ADGRV1: variants seen among roughly 807,000 people sequenced by gnomAD.
The protein encoded by ADGRV1 is G-protein coupled receptor 98.
Under a neutral mutation model 596.2 loss-of-function variants are expected in ADGRV1, and 359 were observed. The ratio of observed to expected loss-of-function variants is 0.60; its 90% confidence interval spans 0.55 to 0.66. The LOEUF (loss-of-function observed/expected upper bound fraction) is 0.66. ADGRV1 is among the 30% of genes least tolerant of loss of function. The probability of loss-of-function intolerance (pLI) is 0.00; values close to 1 mark genes in which losing one functional copy is unlikely to be tolerated. For missense variants in ADGRV1, 7,274 were observed against 7,575.6 expected, an observed-to-expected ratio of 0.96 and a Z score of 1.48; for synonymous variants, 2,681 against 2,679.2, an observed-to-expected ratio of 1.00 and a Z score of -0.02.
At chr5:90,907,581 C>A (rs559086008) in intron 83 of ADGRV1, among the ~76,000 whole-genome samples, 1 of 152,040 alleles carries the variant, frequency 6.6e-6, no homozygotes, top group South Asian at 2.1e-4. Flanking sequence ...ATTCCGCAAT[C>A]CAAATTTTGC....
rs758632997 is a variant in ADGRV1 at position 90,855,906 on chromosome 5, G to A, written c.17755+5G>A. On this transcript the variant is annotated splice_donor_5th_base_variant and intron_variant, in intron 82 of 89. Transcript: ENST00000405460. ...CTGGATTTATATGTATCTCAGGTCA[G>A]TGACAGTATTTTTGAATCAATGGTT... 11 of 1,603,072 alleles carry A rather than the reference G, an allele frequency of 6.9e-6. No homozygotes were observed. The highest frequency in any genetic ancestry group is 4.3e-6 in the Non-Finnish European group (5 of 1,172,766).
intron 87 of ADGRV1, among the ~76,000 whole-genome samples, chr5:91,119,211 AAAT>A (rs1367462932): frequency 6.6e-6 from 1 of 152,224 alleles, no homozygotes; most frequent in Non-Finnish European, 1.5e-5. Context: ...GAGCAAAAAG[AAAT>A]AATAAAACAC....
chr5:90,737,675 T>C (rs1753424507), intron 50 of ADGRV1, among the ~76,000 whole-genome samples: 1 of 152,004 alleles, frequency 6.6e-6, no homozygotes, highest in South Asian at 2.1e-4. Context: ...CTTGTTGTTA[T>C]AGAATGGTCT....
chr5:90,808,323 A>C (rs1176007585), intron 73 of ADGRV1, among the ~76,000 whole-genome samples: 4 of 152,220 alleles, frequency 2.6e-5, no homozygotes, highest in Non-Finnish European at 5.9e-5. Context: ...TTAGGGATTT[A>C]GTCCTGGCTC....
At chr5:90,647,061 T>C (rs931302725) in intron 16 of ADGRV1, among the ~76,000 whole-genome samples, 2 of 152,268 alleles carry the variant, frequency 1.3e-5, no homozygotes, top group East Asian at 1.9e-4. Context: ...TGTGAGCCAC[T>C]GCGCCCAGCC....
At position 90,975,535 on chromosome 5, in the gene ADGRV1, G is replaced by A. The variant is rs190814652; in HGVS notation, c.17974-9809G>A. On this transcript the variant is annotated intron_variant, in intron 84 of 89. Transcript: ENST00000405460. ...ACCATGCAGCCATAAAAAAGGATGC[G>A]TTCATGTCCTTTTTAGGGACATGGA... 2.9e-3 allele frequency among the ~76,000 whole-genome samples: 434 copies of A among 152,226 alleles called. 1 individual carries two copies. The highest frequency in any genetic ancestry group is 1.0e-2 in the African/African-American group (415 of 41,526).
chr5:90,817,776 T>A (rs1763048056), intron 75 of ADGRV1, among the ~76,000 whole-genome samples: 1 of 152,100 alleles, frequency 6.6e-6, no homozygotes, highest in Non-Finnish European at 1.5e-5. Context: ...AATCTATATC[T>A]CTGTTTTGGT....
intron 83 of ADGRV1, among the ~76,000 whole-genome samples, chr5:90,924,080 G>T (rs1399487504): frequency 6.6e-6 from 1 of 151,566 alleles, no homozygotes; most frequent in African/African-American, 2.4e-5. Flanking sequence ...GAATAATGCC[G>T]CAATAAACAT....
chr5:90,590,281 C>A (rs1759310104), intron 1 of ADGRV1, among the ~76,000 whole-genome samples: 2 of 152,200 alleles, frequency 1.3e-5, no homozygotes, highest in Admixed American at 6.5e-5. Context: ...TAGCTGGGCT[C>A]TTCTTCCTTG....
chr5:91,076,519 T>C (rs1210281534), intron 86 of ADGRV1, among the ~76,000 whole-genome samples: 1 of 152,102 alleles, frequency 6.6e-6, no homozygotes, highest in Non-Finnish European at 1.5e-5. Context: ...AAATTAATAA[T>C]CATCAATGTA....
rs116471737 is a variant in ADGRV1 at position 91,087,140 on chromosome 5, C to A, written c.18310+14536C>A. ...AATTCTTTCTTCTTTCCCCAAAGTT[C>A]CCTGATAATCATCAATAGGAAGAAC... is the stretch of plus-strand genomic sequence containing the variant. On this transcript the variant is annotated intron_variant, in intron 86 of 89. Coordinates refer to ENST00000405460, the MANE Select transcript of ADGRV1 (RefSeq NM_032119.4). Among the ~76,000 whole-genome samples the A allele has an allele frequency of 3.4e-3, 512 of 152,262 alleles. 3 individuals carry two copies. Among genetic ancestry groups the A allele is most frequent in the African/African-American group, 0.012 (484 of 41,554 alleles).
At chr5:91,157,247 A>G (rs1796550032) in intron 89 of ADGRV1, among the ~76,000 whole-genome samples, 1 of 152,182 alleles carries the variant, frequency 6.6e-6, no homozygotes, top group African/African-American at 2.4e-5. Context: ...CAACTTGTCA[A>G]AGCTATGTAG....
At chr5:90,902,650 T>G (rs954864555) in intron 83 of ADGRV1, among the ~76,000 whole-genome samples, 3 of 152,180 alleles carry the variant, frequency 2.0e-5, no homozygotes, top group Non-Finnish European at 4.4e-5. Flanking sequence ...TAAATCATTT[T>G]TAAGCGATGA....
intron 85 of ADGRV1, among the ~76,000 whole-genome samples, chr5:91,014,015 T>G (rs921458973): frequency 6.6e-6 from 1 of 151,924 alleles, no homozygotes. Flanking sequence ...CAGATGATCC[T>G]AGGTATGTGG....
At chr5:90,755,559 T>C (rs967002430) in intron 55 of ADGRV1, among the ~76,000 whole-genome samples, 9 of 151,952 alleles carry the variant, frequency 5.9e-5, no homozygotes, top group African/African-American at 2.2e-4. Context: ...ATTCATTTAA[T>C]AGGACAGTAT....
intron 79 of ADGRV1, among the ~76,000 whole-genome samples, chr5:90,850,298 A>C (rs1210141765): frequency 2.6e-5 from 4 of 152,184 alleles, no homozygotes; most frequent in Non-Finnish European, 5.9e-5. Context: ...TTGATGAGTG[A>C]GTCCTGGAAA....
chr5:90,776,286 A>G (rs990966487), intron 60 of ADGRV1, among the ~76,000 whole-genome samples, 167 bp from the exon 61 acceptor site: 9 of 152,148 alleles, frequency 5.9e-5, no homozygotes, highest in African/African-American at 1.9e-4. Flanking sequence ...CAAGACCTCA[A>G]TGTGCTTCAG....
At chr5:90,889,078 C>A (rs1047141282) in intron 83 of ADGRV1, among the ~76,000 whole-genome samples, 2 of 152,184 alleles carry the variant, frequency 1.3e-5, no homozygotes, top group South Asian at 4.1e-4. Context: ...GGAGTGCCAA[C>A]AAGTTTTTCA....
At chr5:90,975,496 A>G (rs1779480168) in intron 84 of ADGRV1, among the ~76,000 whole-genome samples, 1 of 152,196 alleles carries the variant, frequency 6.6e-6, no homozygotes, top group Non-Finnish European at 1.5e-5. Flanking sequence ...TGTGGCACAT[A>G]TACACCATGG....
Sources: allele counts gnomAD v4.1 joint callset (sites outside exome capture counted in the v4.1 genomes callset), GRCh38; gene constraint gnomAD v4.1.1; transcripts MANE v1.5; gene names NCBI Gene and HGNC (gene_info 2026-07-23, HGNC 2026-07-21).